The following CDK14 variants were observed in gnomAD, a reference collection of about 807,000 sequenced individuals.
CDK14 encodes cyclin-dependent kinase 14.
A neutral mutation model predicts 60.7 loss-of-function variants in CDK14; 34 were observed. The observed-to-expected ratio is 0.56, with a 90% CI of 0.43 to 0.75. The LOEUF (loss-of-function observed/expected upper bound fraction) is 0.75. CDK14 is among the 30% of genes least tolerant of loss of function. CDK14 has a pLI of 0.00. For synonymous variants in CDK14, 197 were observed against 203.7 expected (o/e 0.97, Z 0.28); for missense variants, 482 against 564.1 (o/e 0.85, Z 1.47).
chr7:90,867,033 A>C (rs748932195), intron 6 of CDK14, among the ~76,000 whole-genome samples: 1 of 152,130 alleles, frequency 6.6e-6, no homozygotes, highest in Admixed American at 6.6e-5. Flanking sequence ...ATTGGGTAAC[A>C]TGTGGGCCCC....
chr7:90,743,008 T>A (rs1803416682), intron 3 of CDK14, among the ~76,000 whole-genome samples: 1 of 152,132 alleles, frequency 6.6e-6, no homozygotes, highest in Non-Finnish European at 1.5e-5. Context: ...ATAGCTTATA[T>A]GCATAGCCTG....
At chr7:90,858,621 C>T (rs1040951932) in intron 5 of CDK14, among the ~76,000 whole-genome samples, 1 of 152,152 alleles carries the variant, frequency 6.6e-6, no homozygotes, top group African/African-American at 2.4e-5. Context: ...TTCAGGGGCC[C>T]TTAATTCATT....
At chr7:91,011,054 A>G (rs1296246056) in intron 10 of CDK14, among the ~76,000 whole-genome samples, 1 of 151,940 alleles carries the variant, frequency 6.6e-6, no homozygotes, top group African/African-American at 2.4e-5. Flanking sequence ...GAGGAGCCTG[A>G]TACTGCTTGC....
chr7:90,845,999 CT>C (rs1202182484), intron 5 of CDK14, among the ~76,000 whole-genome samples: 2 of 151,990 alleles, frequency 1.3e-5, no homozygotes, highest in East Asian at 1.9e-4. Context: ...ACTCTCCTGT[CT>C]TTTTTTATAT....
intron 2 of CDK14, among the ~76,000 whole-genome samples, chr7:90,671,077 A>C (rs1017095176): frequency 2.0e-5 from 3 of 152,104 alleles, no homozygotes; most frequent in African/African-American, 7.2e-5. Context: ...CATCATTGTA[A>C]GTTTGGTGCC....
intron 5 of CDK14, among the ~76,000 whole-genome samples, chr7:90,825,305 T>G (rs1789684644): frequency 6.6e-6 from 1 of 152,176 alleles, no homozygotes; most frequent in African/African-American, 2.4e-5. Context: ...TGGAGCTCGC[T>G]GATTTAATGG....
At chr7:90,722,203 C>G (rs1022553716) in intron 2 of CDK14, among the ~76,000 whole-genome samples, 1 of 151,348 alleles carries the variant, frequency 6.6e-6, no homozygotes, top group Non-Finnish European at 1.5e-5. Context: ...TTCCCTTTTC[C>G]CTTTTTGAGA....
chr7:91,133,223 T>C (rs1209895733), intron 14 of CDK14, among the ~76,000 whole-genome samples: 1 of 152,150 alleles, frequency 6.6e-6, no homozygotes, highest in African/African-American at 2.4e-5. Context: ...AATAAATTCA[T>C]ACTCCTGTCT....
chr7:90,852,364 C>G (rs980899047), intron 5 of CDK14, among the ~76,000 whole-genome samples: 1 of 152,178 alleles, frequency 6.6e-6, no homozygotes. Context: ...TCACAGACTT[C>G]TAAATGCTGA....
intron 4 of CDK14, among the ~76,000 whole-genome samples, chr7:90,786,671 C>A (rs115164851): frequency 1.3e-5 from 2 of 152,018 alleles, no homozygotes; most frequent in Non-Finnish European, 2.9e-5. Flanking sequence ...AATCCCAGCA[C>A]TTTAGGAGGG....
At chr7:90,722,415 A>G (rs1802490529) in intron 2 of CDK14, among the ~76,000 whole-genome samples, 1 of 152,076 alleles carries the variant, frequency 6.6e-6, no homozygotes, top group African/African-American at 2.4e-5. Flanking sequence ...CACGTTGCCC[A>G]GGTTGGTCTC....
chr7:90,962,283 T>C (rs1794624211), intron 9 of CDK14, among the ~76,000 whole-genome samples: 1 of 151,996 alleles, frequency 6.6e-6, no homozygotes, highest in Non-Finnish European at 1.5e-5. Flanking sequence ...GGGCAGGAGT[T>C]CAAGACCAGT....
intron 14 of CDK14, among the ~76,000 whole-genome samples, chr7:91,122,722 C>T (rs752206746): frequency 1.3e-5 from 2 of 152,174 alleles, no homozygotes; most frequent in African/African-American, 4.8e-5. Context: ...TTCTCTTTGT[C>T]CCTCTACTTC....
intron 2 of CDK14, among the ~76,000 whole-genome samples, chr7:90,695,433 A>G (rs932880294): frequency 2.0e-5 from 3 of 152,204 alleles, no homozygotes; most frequent in African/African-American, 7.2e-5. Context: ...TTACTCATAT[A>G]TTCATTCAAC....
chr7:90,732,766 T>C (rs193194433), intron 3 of CDK14, among the ~76,000 whole-genome samples: 1 of 152,184 alleles, frequency 6.6e-6, no homozygotes, highest in East Asian at 1.9e-4. Context: ...GGTCTATCTA[T>C]TTTGTTGATC....
chr7:91,052,766 G>A (rs1797427243), intron 11 of CDK14, among the ~76,000 whole-genome samples: 1 of 152,138 alleles, frequency 6.6e-6, no homozygotes, highest in African/African-American at 2.4e-5. Context: ...TTCTAAAGTG[G>A]TTATATTACT....
intron 10 of CDK14, among the ~76,000 whole-genome samples, chr7:90,985,262 G>A (rs553901385): frequency 6.6e-6 from 1 of 152,232 alleles, no homozygotes; most frequent in African/African-American, 2.4e-5. Flanking sequence ...TCTCTGTCAT[G>A]TTTTAGCCAT....
At chr7:90,604,730 C>T (rs893291657) in intron 2 of CDK14, among the ~76,000 whole-genome samples, 1 of 152,176 alleles carries the variant, frequency 6.6e-6, no homozygotes, top group African/African-American at 2.4e-5. Flanking sequence ...TATATCAGAT[C>T]CGTCTTGATC....
chr7:90,955,310 A>T (rs1794379354), intron 8 of CDK14, among the ~76,000 whole-genome samples: 1 of 152,150 alleles, frequency 6.6e-6, no homozygotes, highest in African/African-American at 2.4e-5. Flanking sequence ...CAATTTAAGG[A>T]TTCTTTAAGT....
Sources: gnomAD v4.1 joint callset for allele counts (sites outside exome capture counted in the v4.1 genomes callset) on GRCh38, gnomAD v4.1.1 for gene constraint, MANE v1.5 for transcripts, NCBI Gene and HGNC (gene_info 2026-07-23, HGNC 2026-07-21) for gene names.